The following KIF26B variants were observed in gnomAD, a reference collection of about 807,000 sequenced individuals.
The protein encoded by KIF26B is kinesin family member 26B.
A neutral mutation model predicts 151.2 loss-of-function variants in KIF26B; 63 were observed. The observed-to-expected ratio is 0.42, with a 90% CI of 0.34 to 0.51. KIF26B has a LOEUF of 0.51. Ranked by LOEUF, KIF26B falls within the 20% of genes least tolerant of loss-of-function variation. The probability of loss-of-function intolerance (pLI) is 0.07; values close to 1 mark genes in which losing one functional copy is unlikely to be tolerated. For synonymous variants in KIF26B, 1,357 were observed against 1,262.1 expected (o/e 1.08, Z -1.59); for missense variants, 2,813 against 2,913.6 (o/e 0.97, Z 0.79).
In KIF26B at chr1:245,698,170, C is replaced by T. The variant is rs758496730; in HGVS notation, c.5889C>T (p.Pro1963=). ...ACACCTCTTCCCCTGTGAGAAAACC[C>T]CCCAACAGCACAGGCGTCCGCTGGG... ...SLDTSSPVRK[P]PNSTGVRWVD... is the part of the protein sequence containing the mutation. Residue 1963 remains proline, a synonymous_variant, in exon 13 of 15, where the codon CCC becomes CCT. Transcript: ENST00000407071. This position sits in a 1 kb window ranked among gnomAD's most constrained non-coding sequence, Gnocchi z 4.0. 4.3e-6 allele frequency: 7 copies of T among 1,614,048 alleles called. No individual in the cohort carries two copies. Among genetic ancestry groups the T allele is most frequent in the South Asian group, 2.2e-5 (2 of 91,086 alleles).
chr1:245,340,341 G>A (rs958592828), intron 2 of KIF26B, among the ~76,000 whole-genome samples: 3 of 85,830 alleles, frequency 3.5e-5, no homozygotes, highest in Non-Finnish European at 5.9e-5. Context: ...TGTATTGTTT[G>A]AGGAATAATG....
intron 2 of KIF26B, among the ~76,000 whole-genome samples, chr1:245,330,816 GGAGAGTCGGGGA>G (rs1672093300): frequency 2.4e-5 from 3 of 124,848 alleles, no homozygotes; most frequent in Non-Finnish European, 5.1e-5. Context: ...GAGAGTCGGG[GGAGAGTCGGGGA>G]GGGAGTGGGG....
chr1:245,370,803 C>T, intron 3 of KIF26B: 1 of 360,918 alleles, frequency 2.8e-6, no homozygotes, highest in Non-Finnish European at 5.5e-6. Context: ...TCTGTTCTTC[C>T]TCTTACTTCC....
Position 245,156,396 on chromosome 1 carries a change from G to C in KIF26B, c.178G>C (p.Gly60Arg). The change falls in exon 2 of 15, where the codon GGC (glycine) becomes CGC (arginine). Residue 60 changes from glycine to arginine, a missense_variant. Coordinates refer to ENST00000407071, the MANE Select transcript of KIF26B (RefSeq NM_018012.4). ...AGSRPTPEGA[G>R]SALGSSGTPS... ...CAGCCGGCCCACTCCTGAGGGCGCG[G>C]GCTCAGCGCTCGGCTCCTCGGGGAC... The C allele has an allele frequency of 6.5e-7, 1 of 1,540,092 alleles. No homozygotes were observed. The highest frequency in any genetic ancestry group is 8.7e-7 in the Non-Finnish European group (1 of 1,143,762).
At chr1:245,411,867 G>GTGA (rs1674295259) in intron 3 of KIF26B, among the ~76,000 whole-genome samples, 1 of 152,010 alleles carries the variant, frequency 6.6e-6, no homozygotes, top group African/African-American at 2.4e-5. Flanking sequence ...TCACTGCATC[G>GTGA]TGATGACTGG....
rs1006239481 is a variant in KIF26B at position 245,241,292 on chromosome 1, C to T, written c.465+84609C>T. On this transcript the variant is annotated intron_variant, in intron 2 of 14. Transcript: ENST00000407071. This position sits in a 1 kb window ranked among gnomAD's most constrained non-coding sequence, Gnocchi z 5.0. Reference sequence around the variant, plus strand: ...AAGACCACGAAGCCAGAGGGTGCCCCGACAGAGGAAAAGCGGCCGGTGGGT... The same window carrying T: ...AAGACCACGAAGCCAGAGGGTGCCCTGACAGAGGAAAAGCGGCCGGTGGGT... Among the ~76,000 whole-genome samples, 1 of 152,024 alleles carries T rather than the reference C, an allele frequency of 6.6e-6. No homozygotes were observed. Among genetic ancestry groups the T allele is most frequent in the South Asian group, 2.1e-4 (1 of 4,814 alleles).
Position 245,687,706 on chromosome 1 carries a change from G to C in KIF26B, c.4723G>C (p.Ala1575Pro). The change falls in exon 12 of 15, where the codon GCT (alanine) becomes CCT (proline). Residue 1575 changes from alanine (A) to proline (P), a missense_variant. Coordinates refer to ENST00000407071, the MANE Select transcript of KIF26B (RefSeq NM_018012.4). The surrounding 1 kb of genome is among the most constrained non-coding windows in gnomAD (Gnocchi z 4.9). ...GAASGTPPSK[A>P]TLEGKVASPK... ...AGCCTCGGGCACCCCGCCCTCCAAG[G>C]CTACCCTGGAGGGGAAGGTGGCTTC... is the stretch of plus-strand genomic sequence containing the variant. 2.5e-6 allele frequency: 4 copies of C among 1,582,844 alleles called. No homozygotes were observed. The highest frequency in any genetic ancestry group is 2.6e-6 in the Non-Finnish European group (3 of 1,164,856).
At chr1:245,449,633 C>G (rs1659341363) in intron 4 of KIF26B, among the ~76,000 whole-genome samples, 1 of 152,146 alleles carries the variant, frequency 6.6e-6, no homozygotes, top group Non-Finnish European at 1.5e-5. Flanking sequence ...AAACACCTGG[C>G]TAGCCCGAAG....
chr1:245,287,225 A>G (rs1671178380), intron 2 of KIF26B, among the ~76,000 whole-genome samples: 1 of 152,276 alleles, frequency 6.6e-6, no homozygotes, highest in African/African-American at 2.4e-5. Flanking sequence ...TGATCAGTAT[A>G]TATTTTTAAT....
At chr1:245,417,301 CTT>C (rs56700575) in intron 3 of KIF26B, among the ~76,000 whole-genome samples, 3 of 150,694 alleles carry the variant, frequency 2.0e-5, no homozygotes, top group Admixed American at 6.6e-5. Flanking sequence ...AAGGGGAAGA[CTT>C]TTTTTTTTCT....
chr1:245,401,521 T>C (rs933123623), intron 3 of KIF26B, among the ~76,000 whole-genome samples: 1 of 152,208 alleles, frequency 6.6e-6, no homozygotes, highest in Non-Finnish European at 1.5e-5. Context: ...AAAGGACCAA[T>C]TTAGTTTAGC....
At chr1:245,466,385 G>A (rs1344404268) in intron 4 of KIF26B, among the ~76,000 whole-genome samples, 1 of 152,198 alleles carries the variant, frequency 6.6e-6, no homozygotes, top group Non-Finnish European at 1.5e-5. Context: ...AAAGGATCTG[G>A]TGAAGGAGGC....
chr1:245,374,059 CAAAAAAAAAAA>C lies in KIF26B; in HGVS notation c.999+6718_999+6728del, dbSNP rs1172397969. On this transcript the variant is annotated intron_variant, in intron 3 of 14. Coordinates refer to ENST00000407071, the MANE Select transcript of KIF26B (RefSeq NM_018012.4). Reference sequence around the variant, plus strand: ...GTGACAGAGACCCGAGAACCTATCTCAAAAAAAAAAAAAAAAAAAAAAAAAAAAAAAAAAAA... The same window carrying C: ...GTGACAGAGACCCGAGAACCTATCTCAAAAAAAAAAAAAAAAAAAAAAAAA... 1.5e-3 allele frequency among the ~76,000 whole-genome samples: 27 copies of C among 17,484 alleles called. 4 individuals are homozygous for C. The highest frequency in any genetic ancestry group is 0.01 in the East Asian group (4 of 400). 11.5% of individuals were successfully genotyped at this position (17,484 alleles called of 152,430 possible). A position where few individuals can be genotyped will look rare whatever the true frequency, so the allele number is the denominator to read the frequency against.
Position 245,155,320 on chromosome 1 carries a change from G to A in KIF26B, c.-105G>A. On this transcript the variant is annotated 5_prime_UTR_variant, in exon 1 of 15. Coordinates refer to ENST00000407071, the MANE Select transcript of KIF26B (RefSeq NM_018012.4). The stretch of plus-strand genomic sequence containing the variant: ...ACCGCTGAAGAAACCTTGCCCTGAG[G>A]GCTGAGAGCCAGCCCCCTGCAGCCG... The A allele has an allele frequency of 1.1e-6, 1 of 905,494 alleles. No homozygotes were observed. The highest frequency in any genetic ancestry group is 1.5e-5 in the South Asian group (1 of 67,790). 56.1% of individuals were successfully genotyped at this position (905,494 alleles called of 1,614,324 possible). A position where few individuals can be genotyped will look rare whatever the true frequency, so the allele number is the denominator to read the frequency against.
chr1:245,541,080 AATTC>A (rs1419021973), intron 5 of KIF26B, 130 bp downstream of exon 5: 18 of 749,096 alleles, frequency 2.4e-5, no homozygotes, highest in Non-Finnish European at 3.6e-5. Flanking sequence ...GGCAAGATGA[AATTC>A]ATTTGAAAGT....
intron 12 of KIF26B, among the ~76,000 whole-genome samples, chr1:245,692,459 G>A (rs1484625085): frequency 1.3e-5 from 2 of 152,084 alleles, no homozygotes; most frequent in Non-Finnish European, 2.9e-5. Flanking sequence ...TGCTTACATC[G>A]GGACAGGCAG....
chr1:245,494,827 C>G (rs1432837637), intron 4 of KIF26B, among the ~76,000 whole-genome samples: 1 of 151,928 alleles, frequency 6.6e-6, no homozygotes, highest in African/African-American at 2.4e-5. Flanking sequence ...ATGACTTGAT[C>G]CCAGGAGTCC....
In KIF26B at chr1:245,165,135, G is replaced by A. The variant is rs376079170; in HGVS notation, c.465+8452G>A. Among the ~76,000 whole-genome samples the A allele has an allele frequency of 3.9e-5, 6 of 152,046 alleles. No homozygotes were observed. The East Asian group carries it at 5.8e-4, about 15-fold the overall frequency. The stretch of plus-strand genomic sequence containing the variant: ...GATGGGTTGGAAGAGTGGTGTCACC[G>A]AGACCAGTTGGGAGGCCCCTTGCAG... On this transcript the variant is annotated intron_variant, in intron 2 of 14. Coordinates refer to ENST00000407071, the MANE Select transcript of KIF26B (RefSeq NM_018012.4).
chr1:245,451,682 C>A lies in KIF26B; in HGVS notation c.1166+31937C>A, dbSNP rs188774149. On this transcript the variant is annotated intron_variant, in intron 4 of 14. Coordinates refer to ENST00000407071, the MANE Select transcript of KIF26B (RefSeq NM_018012.4). ...GTGGCACAATCTCAGCTTACTGCAA[C>A]CTCTGCCTCCTGGGTTCAAAAATTC... Among the ~76,000 whole-genome samples, 203 of 144,440 alleles carry A rather than the reference C, an allele frequency of 1.4e-3. 1 individual carries two copies. Among genetic ancestry groups the A allele is most frequent in the Middle Eastern group, 0.012 (3 of 258 alleles). 94.8% of individuals were successfully genotyped at this position (144,440 alleles called of 152,430 possible). A position where few individuals can be genotyped will look rare whatever the true frequency, so the allele number is the denominator to read the frequency against.
Sources: allele counts gnomAD v4.1 joint callset (sites outside exome capture counted in the v4.1 genomes callset), GRCh38; gene constraint gnomAD v4.1.1; non-coding constraint Gnocchi (gnomAD v3.1); transcripts MANE v1.5; gene names NCBI Gene and HGNC (gene_info 2026-07-23, HGNC 2026-07-21).